The following MACROD2 variants were observed in gnomAD, a reference collection of about 807,000 sequenced individuals.
MACROD2 encodes ADP-ribose glycohydrolase MACROD2.
In MACROD2, 36 loss-of-function variants were observed where a neutral mutation model predicts 70.4. That is an observed-to-expected ratio of 0.51 (90% confidence interval 0.39 to 0.68). MACROD2 has a LOEUF of 0.68. Among genes scored for constraint, MACROD2 ranks in the 30% least tolerant of loss-of-function variants. The pLI is 0.00. For synonymous variants in MACROD2, 172 were observed against 178.8 expected (o/e 0.96, Z 0.30); for missense variants, 496 against 538.4 (o/e 0.92, Z 0.78).
At chr20:14,330,801 A>G (rs1437780730) in intron 3 of MACROD2, among the ~76,000 whole-genome samples, 1 of 152,064 alleles carries the variant, frequency 6.6e-6, no homozygotes, top group Non-Finnish European at 1.5e-5. Flanking sequence ...TCAAATTCCA[A>G]TAGTATCTTT....
chr20:14,838,279 A>G (rs1160561913), intron 5 of MACROD2, among the ~76,000 whole-genome samples: 8 of 152,178 alleles, frequency 5.3e-5, no homozygotes, highest in Non-Finnish European at 1.2e-4. Flanking sequence ...TTAATAGTAT[A>G]AAATTCTTTT....
intron 13 of MACROD2, among the ~76,000 whole-genome samples, chr20:15,974,964 T>C (rs2066284091): frequency 6.6e-6 from 1 of 151,858 alleles, no homozygotes; most frequent in South Asian, 2.1e-4. Context: ...ATAGTGAAAT[T>C]AAAAATGAAA....
chr20:14,392,262 C>T (rs79928933), intron 3 of MACROD2, among the ~76,000 whole-genome samples: 16,902 of 151,620 alleles, frequency 0.11, 992 homozygotes, highest in East Asian at 0.21. Flanking sequence ...TTTTGTCCTC[C>T]CTCCCTTCCT....
chr20:14,090,750 A>G (rs1343650030), intron 3 of MACROD2, among the ~76,000 whole-genome samples: 1 of 152,136 alleles, frequency 6.6e-6, no homozygotes, highest in Admixed American at 6.5e-5. Context: ...CCTTTGACAT[A>G]CTTTTCAGTT....
chr20:15,037,836 TAGAC>T (rs1156996738), intron 5 of MACROD2, among the ~76,000 whole-genome samples: 8 of 152,224 alleles, frequency 5.3e-5, no homozygotes, highest in Admixed American at 1.3e-4. Flanking sequence ...GAATTACAAT[TAGAC>T]AGGAGGACTA....
At chr20:15,026,535 C>T (rs1392382376) in intron 5 of MACROD2, among the ~76,000 whole-genome samples, 5 of 151,248 alleles carry the variant, frequency 3.3e-5, no homozygotes, top group Non-Finnish European at 5.9e-5. Flanking sequence ...TTTATTTTTA[C>T]TATCGGTTCC....
At chr20:14,845,954 T>C (rs958835768) in intron 5 of MACROD2, among the ~76,000 whole-genome samples, 14 of 152,132 alleles carry the variant, frequency 9.2e-5, no homozygotes, top group Admixed American at 3.9e-4. Context: ...GCAGTACTTA[T>C]CACTGAAACA....
intron 4 of MACROD2, among the ~76,000 whole-genome samples, chr20:14,640,515 G>C (rs996706618): frequency 6.6e-6 from 1 of 152,154 alleles, no homozygotes; most frequent in African/African-American, 2.4e-5. Context: ...GGAGAGACAG[G>C]TGGCAAGGTC....
intron 4 of MACROD2, among the ~76,000 whole-genome samples, chr20:14,513,341 A>G (rs778521832): frequency 3.3e-5 from 5 of 152,132 alleles, no homozygotes; most frequent in African/African-American, 4.8e-5. Context: ...AACAGGTCCT[A>G]ACTGATGGGA....
chr20:14,431,264 A>G (rs1429834228), intron 3 of MACROD2, among the ~76,000 whole-genome samples: 1 of 152,122 alleles, frequency 6.6e-6, no homozygotes, highest in Non-Finnish European at 1.5e-5. Context: ...ACAGAGGCTT[A>G]ACAGTTTGCA....
chr20:16,045,321 A>G (rs2067364988), intron 17 of MACROD2, among the ~76,000 whole-genome samples: 1 of 152,146 alleles, frequency 6.6e-6, no homozygotes, highest in Non-Finnish European at 1.5e-5. Flanking sequence ...AGAGACTAAA[A>G]TATATTTAGA....
intron 5 of MACROD2, among the ~76,000 whole-genome samples, chr20:14,799,499 G>A (rs2072548607): frequency 1.3e-5 from 2 of 152,050 alleles, no homozygotes; most frequent in African/African-American, 4.8e-5. Flanking sequence ...GTTGAGTTCT[G>A]CATTAACGAG....
At chr20:14,434,086 G>A (rs1161628525) in intron 3 of MACROD2, among the ~76,000 whole-genome samples, 1 of 152,120 alleles carries the variant, frequency 6.6e-6, no homozygotes, top group South Asian at 2.1e-4. Context: ...TTTATTGCCA[G>A]TAAGTTACAG....
chr20:14,085,835 G>T, intron 3 of MACROD2, 107 bp downstream of exon 3: 1 of 580,644 alleles, frequency 1.7e-6, no homozygotes, highest in Non-Finnish European at 2.8e-6. Flanking sequence ...TTTTGACGTA[G>T]AAATGTCTAT....
chr20:14,611,620 A>T (rs1983176609), intron 4 of MACROD2, among the ~76,000 whole-genome samples: 1 of 152,086 alleles, frequency 6.6e-6, no homozygotes, highest in Non-Finnish European at 1.5e-5. Context: ...TCAGTGCCTG[A>T]CACATGGTAG....
intron 4 of MACROD2, among the ~76,000 whole-genome samples, chr20:14,629,371 AAC>A (rs1391222844): frequency 2.0e-5 from 3 of 152,232 alleles, no homozygotes; most frequent in African/African-American, 7.2e-5. Context: ...TTCAAAATAC[AAC>A]ACACAGTCTC....
At chr20:14,952,620 G>T (rs1252829843) in intron 5 of MACROD2, among the ~76,000 whole-genome samples, 1 of 151,762 alleles carries the variant, frequency 6.6e-6, no homozygotes, top group Non-Finnish European at 1.5e-5. Flanking sequence ...AAATTTTCTT[G>T]CTTACTTTTA....
chr20:15,002,372 G>A (rs2075002950), intron 5 of MACROD2, among the ~76,000 whole-genome samples: 1 of 152,066 alleles, frequency 6.6e-6, no homozygotes, highest in South Asian at 2.1e-4. Context: ...CATTCATGAT[G>A]TTGAGCATTT....
chr20:14,761,807 C>T (rs2123754295), intron 5 of MACROD2, among the ~76,000 whole-genome samples: 1 of 152,276 alleles, frequency 6.6e-6, no homozygotes, highest in African/African-American at 2.4e-5. Flanking sequence ...AGTCCCCGCA[C>T]ATAAACCTAG....
Sources: allele counts gnomAD v4.1 joint callset (sites outside exome capture counted in the v4.1 genomes callset), GRCh38; gene constraint gnomAD v4.1.1; transcripts MANE v1.5; gene names NCBI Gene and HGNC (gene_info 2026-07-23, HGNC 2026-07-21).